Variants in CCDC201 observed in about 807,000 individuals in gnomAD.
CCDC201 encodes coiled-coil domain containing 201, also known as coiled-coil domain-containing protein 201.
At chr7:45,864,821 G>A (rs1019641139) in intron 2 of CCDC201, among the ~76,000 whole-genome samples, 1 of 152,128 alleles carries the variant, frequency 6.6e-6, no homozygotes, top group Non-Finnish European at 1.5e-5. Flanking sequence ...AAATAGAAAA[G>A]AAACTCAGAG....
chr7:45,866,856 C>T (rs1786683847), intron 1 of CCDC201, among the ~76,000 whole-genome samples: 1 of 152,116 alleles, frequency 6.6e-6, no homozygotes, highest in African/African-American at 2.4e-5. Context: ...TCAATGAAAT[C>T]ATCCTGACTT....
At chr7:45,875,226 G>A (rs1242374067), upstream of CCDC201, among the ~76,000 whole-genome samples, 1 of 152,180 alleles carries the variant, frequency 6.6e-6, no homozygotes, top group Non-Finnish European at 1.5e-5. Flanking sequence ...TGGGAACAGT[G>A]GCTCACGCCT....
chr7:45,863,471 G>A (rs1259862217), intron 2 of CCDC201, among the ~76,000 whole-genome samples: 2 of 152,212 alleles, frequency 1.3e-5, no homozygotes, highest in East Asian at 3.8e-4. Context: ...GGAAGGGGCA[G>A]ACAGGCTGCG....
chr7:45,879,110 G>T, the CCDC201 span, among the ~76,000 whole-genome samples: 2 of 152,226 alleles, frequency 1.3e-5, no homozygotes, highest in Admixed American at 6.5e-5. Flanking sequence ...AGCATAGCAA[G>T]ATTGACCTTT....
At chr7:45,867,157 G>A (rs1016559104) in intron 1 of CCDC201, among the ~76,000 whole-genome samples, 2 of 152,188 alleles carry the variant, frequency 1.3e-5, no homozygotes, top group Non-Finnish European at 2.9e-5. Context: ...CCTCTGCAGT[G>A]CCCCTTGAAG....
the CCDC201 span, among the ~76,000 whole-genome samples, chr7:45,880,773 T>C: frequency 6.6e-6 from 1 of 152,230 alleles, no homozygotes; most frequent in Non-Finnish European, 1.5e-5. Context: ...TCAGTGTGTG[T>C]AGCGAGTGCA....
At chr7:45,884,454 G>A in the CCDC201 span, among the ~76,000 whole-genome samples, 1 of 152,270 alleles carries the variant, frequency 6.6e-6, no homozygotes, top group East Asian at 1.9e-4. Context: ...CCCTGTGGTG[G>A]TGGCCTGCTG....
intron 1 of CCDC201, among the ~76,000 whole-genome samples, chr7:45,871,937 C>T (rs1329338403): frequency 2.0e-5 from 3 of 152,154 alleles, no homozygotes; most frequent in African/African-American, 4.8e-5. Flanking sequence ...AGTTTGGAAA[C>T]TGGAACATCT....
Position 45,868,337 on chromosome 7 carries a change from G to A in CCDC201, c.19-1843C>T, listed in dbSNP as rs543695024. 8.9e-4 allele frequency among the ~76,000 whole-genome samples: 136 copies of A among 152,296 alleles called. 1 individual carries two copies. Among genetic ancestry groups the A allele is most frequent in the African/African-American group, 3.2e-3 (134 of 41,562 alleles). ...GAGTAGGCCAAAAGAGCACAGCATG[G>A]AGGCTGCAATGTCTTTGTATAATCT... On this transcript the variant is annotated intron_variant, in intron 1 of 2. Transcript: ENST00000636578.
At chr7:45,874,764 A>C (rs1786781627), upstream of CCDC201, among the ~76,000 whole-genome samples, 1 of 152,220 alleles carries the variant, frequency 6.6e-6, no homozygotes, top group Non-Finnish European at 1.5e-5. Context: ...TCCAGGTTCA[A>C]GTGCTGAGAG....
chr7:45,874,743 G>A (rs915415895), upstream of CCDC201, among the ~76,000 whole-genome samples: 5 of 152,198 alleles, frequency 3.3e-5, no homozygotes, highest in East Asian at 1.9e-4. Context: ...CAACACAGCC[G>A]GGTGACTGGC....
intron 1 of CCDC201, among the ~76,000 whole-genome samples, chr7:45,868,847 A>G (rs924557465): frequency 6.6e-6 from 1 of 152,244 alleles, no homozygotes; most frequent in South Asian, 2.1e-4. Flanking sequence ...CAAACAAGTT[A>G]TACTAGAAAG....
At chr7:45,882,480 T>C in the CCDC201 span, among the ~76,000 whole-genome samples, 21 of 152,356 alleles carry the variant, frequency 1.4e-4, no homozygotes, top group African/African-American at 5.1e-4. Context: ...TCCAGAGCTG[T>C]TCTGCTGTTG....
At chr7:45,875,109 T>G (rs1562791489), upstream of CCDC201, among the ~76,000 whole-genome samples, 1 of 152,200 alleles carries the variant, frequency 6.6e-6, no homozygotes, top group Admixed American at 6.5e-5. Flanking sequence ...GATGTACACA[T>G]GTGTGCATAC....
chr7:45,874,314 T>C (rs12702179), upstream of CCDC201, among the ~76,000 whole-genome samples: 78,479 of 152,048 alleles, frequency 0.52, 20,459 homozygotes, highest in East Asian at 0.63. Flanking sequence ...AACCCAGGAC[T>C]GTCTGACTCC....
the CCDC201 span, among the ~76,000 whole-genome samples, chr7:45,883,351 C>A: frequency 6.6e-6 from 1 of 152,100 alleles, no homozygotes; most frequent in Non-Finnish European, 1.5e-5. Flanking sequence ...ATGAGTATAA[C>A]CCAATGTGAG....
exon 3 of CCDC201, chr7:45,862,017 A>G (rs570702077): frequency 3.3e-5 from 5 of 152,388 alleles, no homozygotes; most frequent in East Asian, 1.9e-4. Flanking sequence ...AGCTACCTGG[A>G]CATCTCTTTC....
the CCDC201 span, among the ~76,000 whole-genome samples, chr7:45,879,107 C>A: frequency 2.0e-5 from 3 of 152,220 alleles, no homozygotes; most frequent in Non-Finnish European, 2.9e-5. Context: ...TAAAGCATAG[C>A]AAGATTGACC....
the CCDC201 span, among the ~76,000 whole-genome samples, chr7:45,884,140 A>C: frequency 6.8e-6 from 1 of 147,854 alleles, no homozygotes; most frequent in Non-Finnish European, 1.5e-5. Context: ...TCACTCTGCC[A>C]CCGAGGCTGG....
Sources: gnomAD v4.1 joint callset for allele counts (sites outside exome capture counted in the v4.1 genomes callset) on GRCh38, gnomAD v4.1.1 for gene constraint, MANE v1.5 for transcripts, NCBI Gene and HGNC (gene_info 2026-07-23, HGNC 2026-07-21) for gene names.